NFIB: variants seen among roughly 807,000 people sequenced by gnomAD.
The protein encoded by NFIB is nuclear factor 1 B-type.
In NFIB, 11 loss-of-function variants were observed where a neutral mutation model predicts 61.5. The ratio of observed to expected loss-of-function variants is 0.18; its 90% confidence interval spans 0.11 to 0.30. The LOEUF (loss-of-function observed/expected upper bound fraction) is 0.30. NFIB is among the 10% of genes least tolerant of loss of function. NFIB has a pLI of 1.00. For missense variants in NFIB, 471 were observed against 608.9 expected, an observed-to-expected ratio of 0.77 and a Z score of 2.38; for synonymous variants, 260 against 216.5, an observed-to-expected ratio of 1.20 and a Z score of -1.76.
Position 14,118,768 on chromosome 9 carries a change from CTTTTTT to C in NFIB, c.1245+1666_1245+1671del, listed in dbSNP as rs35334290. Among the ~76,000 whole-genome samples, 19 of 129,018 alleles carry C rather than the reference CTTTTTT, an allele frequency of 1.5e-4. No individual in the cohort carries two copies. The South Asian group carries it at 4.1e-3, about 28-fold the overall frequency. The allele number at this position is 129,018 out of a possible 152,430, so 84.6% of individuals were successfully genotyped here. A position where few individuals can be genotyped will look rare whatever the true frequency, so the allele number is the denominator to read the frequency against. On this transcript the variant is annotated intron_variant, in intron 8 of 10. Coordinates refer to ENST00000380953, the MANE Select transcript of NFIB (RefSeq NM_001190737.2). ...TTTTTTGTTGCTAGTTTTTCTTTTTCTTTTTTTTTTTTTTTTGAGATGAGAGTAATA... is the reference window on the plus strand; with the variant it reads ...TTTTTTGTTGCTAGTTTTTCTTTTTCTTTTTTTTTTGAGATGAGAGTAATA...
the NFIB span, among the ~76,000 whole-genome samples, chr9:14,448,374 A>T: frequency 2.8e-4 from 42 of 152,206 alleles, 1 homozygote; most frequent in Non-Finnish European, 7.3e-5. Flanking sequence ...TAAGGAACTA[A>T]ATGATTGCAT....
chr9:14,134,915 A>C (rs1342605209), intron 6 of NFIB, among the ~76,000 whole-genome samples: 1 of 150,782 alleles, frequency 6.6e-6, no homozygotes, highest in Non-Finnish European at 1.5e-5. Context: ...AAAAAAAAAA[A>C]AAAAAGGAAA....
intron 3 of NFIB, among the ~76,000 whole-genome samples, chr9:14,170,633 C>T (rs1312204506): frequency 6.6e-6 from 1 of 152,024 alleles, no homozygotes; most frequent in Admixed American, 6.6e-5. Context: ...AAGGCAAGAC[C>T]CCATCTCGGG....
chr9:14,202,687 T>G (rs1040380892), intron 2 of NFIB, among the ~76,000 whole-genome samples: 3 of 152,210 alleles, frequency 2.0e-5, no homozygotes, highest in Non-Finnish European at 2.9e-5. Flanking sequence ...ACGACCCATA[T>G]GTGTAGTATT....
chr9:14,105,369 T>A (rs185719570), intron 10 of NFIB, among the ~76,000 whole-genome samples: 4 of 152,204 alleles, frequency 2.6e-5, no homozygotes, highest in African/African-American at 9.7e-5. Flanking sequence ...TTAATTAGCA[T>A]TGAATTTCCT....
intron 1 of NFIB, among the ~76,000 whole-genome samples, chr9:14,321,727 C>T (rs2060665727): frequency 6.6e-6 from 1 of 152,214 alleles, no homozygotes; most frequent in South Asian, 2.1e-4. Context: ...ACTAAAGTTG[C>T]CAACGCTAAA....
Position 14,084,121 on chromosome 9 carries a change from T to G in NFIB, c.*4188A>C. 1 of 204,474 alleles carries G rather than the reference T, an allele frequency of 4.9e-6. No homozygotes were observed. Among genetic ancestry groups the G allele is most frequent in the Non-Finnish European group, 1.0e-5 (1 of 99,634 alleles). The allele number at this position is 204,474 out of a possible 1,614,324, so 12.7% of individuals were successfully genotyped here. On this transcript the variant is annotated 3_prime_UTR_variant, in exon 11 of 11. Coordinates refer to ENST00000380953, the MANE Select transcript of NFIB (RefSeq NM_001190737.2). ...TTTTCAAGCACAGGAATCTGTGAAATAACTCCTAACATGGACAGATTTTCT... is the reference window on the plus strand; with the variant it reads ...TTTTCAAGCACAGGAATCTGTGAAAGAACTCCTAACATGGACAGATTTTCT...
At chr9:14,487,973 A>C in the NFIB span, among the ~76,000 whole-genome samples, 2 of 152,136 alleles carry the variant, frequency 1.3e-5, no homozygotes, top group African/African-American at 4.8e-5. Context: ...AGGAAGTCTA[A>C]AGAACATGAC....
the NFIB span, among the ~76,000 whole-genome samples, chr9:14,413,724 T>C: frequency 2.0e-5 from 3 of 152,346 alleles, no homozygotes; most frequent in Admixed American, 6.5e-5. Flanking sequence ...ATGGTACAGC[T>C]ATTTTTCCAA....
At chr9:14,202,464 TCA>T (rs2049148077) in intron 2 of NFIB, among the ~76,000 whole-genome samples, 2 of 152,186 alleles carry the variant, frequency 1.3e-5, no homozygotes, top group Non-Finnish European at 2.9e-5. Flanking sequence ...TACTTTGTGG[TCA>T]CATCCCATTA....
intron 2 of NFIB, among the ~76,000 whole-genome samples, chr9:14,288,174 T>C (rs888224521): frequency 6.6e-6 from 1 of 152,084 alleles, no homozygotes. Context: ...ATATTGACAA[T>C]TTTGATTCAA....
At chr9:14,523,674 C>T in the NFIB span, among the ~76,000 whole-genome samples, 2 of 152,070 alleles carry the variant, frequency 1.3e-5, no homozygotes, top group Non-Finnish European at 2.9e-5. Context: ...TCATTTATCC[C>T]CCAAATACAT....
chr9:14,416,892 C>CTTTTTTTTTTTTTTTTTTT, the NFIB span, among the ~76,000 whole-genome samples: 2 of 126,938 alleles, frequency 1.6e-5, 1 homozygote, highest in African/African-American at 6.6e-5. Context: ...ACTATTTTTA[C>CTTTTTTTTTTTTTTTTTTT]TTTTTTTTTT....
chr9:14,437,693 G>A, the NFIB span, among the ~76,000 whole-genome samples: 6 of 152,150 alleles, frequency 3.9e-5, no homozygotes, highest in Non-Finnish European at 7.4e-5. Flanking sequence ...ACCGGAGGGG[G>A]TCCCCCACCT....
At chr9:14,189,919 A>G (rs2047762727) in intron 2 of NFIB, among the ~76,000 whole-genome samples, 1 of 152,046 alleles carries the variant, frequency 6.6e-6, no homozygotes, top group African/African-American at 2.4e-5. Context: ...TTTGATTATT[A>G]TCTACACATA....
chr9:14,364,142 C>A (rs1211072341), intron 1 of NFIB, among the ~76,000 whole-genome samples: 1 of 152,144 alleles, frequency 6.6e-6, no homozygotes, highest in African/African-American at 2.4e-5. Context: ...AAATTGCCCT[C>A]CAATAATTTT....
intron 2 of NFIB, among the ~76,000 whole-genome samples, chr9:14,225,764 G>A (rs1307170781): frequency 1.3e-5 from 2 of 151,972 alleles, no homozygotes; most frequent in Non-Finnish European, 2.9e-5. Flanking sequence ...TAATTCTCCA[G>A]AAGAGCCAAA....
chr9:14,241,224 A>G (rs752047635), intron 2 of NFIB, among the ~76,000 whole-genome samples: 1 of 152,226 alleles, frequency 6.6e-6, no homozygotes, highest in South Asian at 2.1e-4. Context: ...TTATGTATGC[A>G]TAACGGACCA....
the NFIB span, among the ~76,000 whole-genome samples, chr9:14,497,251 T>C: frequency 6.6e-6 from 1 of 152,252 alleles, no homozygotes; most frequent in Admixed American, 6.5e-5. Flanking sequence ...TCTATCAATG[T>C]CACCCAATTA....
Sources: allele counts gnomAD v4.1 joint callset (sites outside exome capture counted in the v4.1 genomes callset), GRCh38; gene constraint gnomAD v4.1.1; transcripts MANE v1.5; gene names NCBI Gene and HGNC (gene_info 2026-07-23, HGNC 2026-07-21).